Variants in ZNF804B observed in about 807,000 individuals in gnomAD.
The protein encoded by ZNF804B is zinc finger 804B.
In ZNF804B, 80 loss-of-function variants were observed where a neutral mutation model predicts 101.4. The ratio of observed to expected loss-of-function variants is 0.79; its 90% CI spans 0.66 to 0.95. The LOEUF (loss-of-function observed/expected upper bound fraction) is 0.95, where lower values mean the gene tolerates loss of function less well. Ranked by LOEUF, ZNF804B falls within the 40% of genes least tolerant of loss-of-function variation. ZNF804B has a pLI of 0.00. For synonymous variants in ZNF804B, 622 were observed against 558.8 expected, an observed-to-expected ratio of 1.11 and a Z score of -1.59; for missense variants, 1,673 against 1,561.9, an observed-to-expected ratio of 1.07 and a Z score of -1.20.
chr7:88,935,427 C>T (rs10225685), intron 1 of ZNF804B, among the ~76,000 whole-genome samples: 81,510 of 150,432 alleles, frequency 0.54, 24,590 homozygotes, highest in East Asian at 0.84. Context: ...CTCACAGCTG[C>T]AATCTTAGCA....
intron 1 of ZNF804B, among the ~76,000 whole-genome samples, chr7:89,217,042 A>G (rs1788906735): frequency 6.6e-6 from 1 of 152,226 alleles, no homozygotes; most frequent in Non-Finnish European, 1.5e-5. Context: ...TAAGTAGCAC[A>G]TATTCTGGGC....
At chr7:88,786,959 C>G (rs1390447670) in intron 1 of ZNF804B, among the ~76,000 whole-genome samples, 1 of 152,074 alleles carries the variant, frequency 6.6e-6, no homozygotes, top group Non-Finnish European at 1.5e-5. Flanking sequence ...TGCACACAAA[C>G]ATGGCAGCAG....
chr7:89,027,319 C>T (rs1207597522), intron 1 of ZNF804B, among the ~76,000 whole-genome samples: 2 of 152,090 alleles, frequency 1.3e-5, no homozygotes, highest in Non-Finnish European at 1.5e-5. Context: ...AAAGCTAGCT[C>T]TCTGAGGATG....
rs141356936 is a variant in ZNF804B, at chr7:88,799,907, A to G, written c.108+39823A>G. Among the ~76,000 whole-genome samples, 243 of 152,220 alleles carry G rather than the reference A, an allele frequency of 1.6e-3. 3 individuals carry two copies. Among genetic ancestry groups the G allele is most frequent in the African/African-American group, 5.4e-3 (224 of 41,562 alleles). ...GTTCTCATTTGAGCGTGGCCTTCAG[A>G]GAAACAGGATTGAAGGACAGCCTCA... On this transcript the variant is annotated intron_variant, in intron 1 of 3. Transcript: ENST00000333190.
intron 1 of ZNF804B, among the ~76,000 whole-genome samples, chr7:88,862,616 A>G (rs1791666250): frequency 6.6e-6 from 1 of 152,176 alleles, no homozygotes; most frequent in Non-Finnish European, 1.5e-5. Context: ...TTGTATTTTT[A>G]TGAAATACGT....
chr7:89,069,584 T>G (rs1193656312), intron 1 of ZNF804B, among the ~76,000 whole-genome samples: 1 of 152,184 alleles, frequency 6.6e-6, no homozygotes, highest in Non-Finnish European at 1.5e-5. Context: ...GATAAGCATT[T>G]TGAGTGTTAT....
At chr7:89,185,903 G>C (rs1394344401) in intron 1 of ZNF804B, among the ~76,000 whole-genome samples, 1 of 151,434 alleles carries the variant, frequency 6.6e-6, no homozygotes, top group African/African-American at 2.4e-5. Context: ...AAAAAAAAAA[G>C]ACACAATTTT....
At chr7:89,106,462 G>A (rs1302810910) in intron 1 of ZNF804B, among the ~76,000 whole-genome samples, 1 of 152,024 alleles carries the variant, frequency 6.6e-6, no homozygotes, top group Non-Finnish European at 1.5e-5. Context: ...GAATGCTTTT[G>A]GAAACTAGCC....
At chr7:89,021,723 G>A (rs147322656) in intron 1 of ZNF804B, among the ~76,000 whole-genome samples, 7 of 152,274 alleles carry the variant, frequency 4.6e-5, no homozygotes, top group South Asian at 2.1e-4. Context: ...CCAGAGTTGC[G>A]ACAACACAGC....
intron 2 of ZNF804B, among the ~76,000 whole-genome samples, chr7:89,246,156 C>A (rs1789442252): frequency 6.6e-6 from 1 of 152,130 alleles, no homozygotes; most frequent in African/African-American, 2.4e-5. Flanking sequence ...AGGGTACAGA[C>A]CTCCACAACT....
At chr7:89,068,985 G>C (rs1789496249) in intron 1 of ZNF804B, among the ~76,000 whole-genome samples, 1 of 152,178 alleles carries the variant, frequency 6.6e-6, no homozygotes, top group Non-Finnish European at 1.5e-5. Context: ...CCTTGCTCAA[G>C]AATGGTGACT....
chr7:89,310,904 C>T (rs38942), intron 2 of ZNF804B, among the ~76,000 whole-genome samples: 53,511 of 151,910 alleles, frequency 0.35, 9,819 homozygotes, highest in Non-Finnish European at 0.4. Context: ...CAAATAAAGA[C>T]GGCTTCATGT....
intron 1 of ZNF804B, among the ~76,000 whole-genome samples, chr7:88,884,935 T>G (rs1215194058): frequency 6.6e-6 from 1 of 151,876 alleles, no homozygotes; most frequent in Non-Finnish European, 1.5e-5. Context: ...TGCACATATT[T>G]CCCTTCTAGA....
chr7:89,279,362 G>T (rs1005861489), intron 2 of ZNF804B, among the ~76,000 whole-genome samples: 1 of 150,494 alleles, frequency 6.6e-6, no homozygotes, highest in Admixed American at 6.6e-5. Flanking sequence ...CTGCCTAATT[G>T]CCCTGGCCAG....
intron 1 of ZNF804B, among the ~76,000 whole-genome samples, chr7:88,766,697 AT>A (rs1238772944): frequency 1.3e-5 from 2 of 152,148 alleles, no homozygotes; most frequent in African/African-American, 4.8e-5. Context: ...TTACATTTAT[AT>A]TTTGCTGTTT....
At position 89,336,640 on chromosome 7, in the gene ZNF804B, T is replaced by C; in HGVS notation, c.3658T>C (p.Ser1220Pro). The change falls in exon 4 of 4, where the codon TCT (serine) becomes CCT (proline). Residue 1220 changes from serine (S) to proline (P), a missense_variant. Ser to Pro is a moderately conservative substitution (Grantham distance 74). Transcript: ENST00000333190. ...CACGTTCCTGCAGCATTTTGCTGTT[T>C]CTGCTTCCTTAAGTTCTCATAGCAG... ...HHTFLQHFAV[S>P]ASLSSHSSHL... is the part of the protein sequence containing the mutation. The C allele has an allele frequency of 6.2e-7, 1 of 1,614,090 alleles. No individual in the cohort carries two copies. The highest frequency in any genetic ancestry group is 8.5e-7 in the Non-Finnish European group (1 of 1,179,980).
rs577370283 is a variant in ZNF804B, at chr7:88,812,053, G to A, written c.108+51969G>A. On this transcript the variant is annotated intron_variant, in intron 1 of 3. Transcript: ENST00000333190. ...ATTCTCATATACACTGGAAATCTCC[G>A]CTTCTTGTTACAGTAGCCTCTACCA... 3.4e-4 allele frequency among the ~76,000 whole-genome samples: 52 copies of A among 152,198 alleles called. No individual in the cohort carries two copies. The East Asian group carries it at 4.4e-3, about 13-fold the overall frequency.
chr7:88,766,590 T>C (rs928980406), intron 1 of ZNF804B, among the ~76,000 whole-genome samples: 1 of 152,182 alleles, frequency 6.6e-6, no homozygotes, highest in Non-Finnish European at 1.5e-5. Context: ...GGGATAGGAA[T>C]TGATGTTGGC....
intron 1 of ZNF804B, among the ~76,000 whole-genome samples, chr7:88,845,322 A>G (rs1791357915): frequency 9.4e-6 from 1 of 105,832 alleles, no homozygotes; most frequent in African/African-American, 4.1e-5. Context: ...CACACACACA[A>G]TAACAACACA....
Sources: allele counts gnomAD v4.1 joint callset (sites outside exome capture counted in the v4.1 genomes callset), GRCh38; gene constraint gnomAD v4.1.1; transcripts MANE v1.5; gene names NCBI Gene and HGNC (gene_info 2026-07-23, HGNC 2026-07-21).